ZC3H12B: variants seen among roughly 807,000 people sequenced by gnomAD.
The protein encoded by ZC3H12B is zinc finger CCCH-type containing 12B, also known as probable ribonuclease ZC3H12B.
A neutral mutation model predicts 43.9 loss-of-function variants in ZC3H12B; 7 were observed. That is an observed-to-expected ratio of 0.16 (90% confidence interval 0.09 to 0.30). The LOEUF is 0.30. ZC3H12B is among the 10% of genes least tolerant of loss of function. The pLI, the probability that ZC3H12B is intolerant of heterozygous loss-of-function variation, is 1.00. For missense variants in ZC3H12B, 475 were observed against 670.2 expected, an observed-to-expected ratio of 0.71 and a Z score of 3.22; for synonymous variants, 222 against 241.7, an observed-to-expected ratio of 0.92 and a Z score of 0.76.
At chrX:65,390,505 G>T (rs751002994) in intron 2 of ZC3H12B, among the ~76,000 whole-genome samples, 6 of 111,349 alleles carry the variant, frequency 5.4e-5, no homozygotes, top group Admixed American at 9.6e-5. Flanking sequence ...ACTATAAAGT[G>T]GTCAATTCAG....
chrX:65,316,282 T>A, the ZC3H12B span, among the ~76,000 whole-genome samples: 1 of 111,697 alleles, frequency 9.0e-6, no homozygotes, highest in Non-Finnish European at 1.9e-5. Flanking sequence ...ACTTTCCCAA[T>A]CTCACTAAAG....
the ZC3H12B span, among the ~76,000 whole-genome samples, chrX:65,048,564 C>T: frequency 9.0e-6 from 1 of 111,355 alleles, no homozygotes; most frequent in Non-Finnish European, 1.9e-5. Context: ...TTCAATAACA[C>T]TTGTTATTTC....
the ZC3H12B span, among the ~76,000 whole-genome samples, chrX:65,112,074 C>G: frequency 8.9e-6 from 1 of 112,261 alleles, no homozygotes; most frequent in Admixed American, 9.5e-5. Flanking sequence ...ATTAAAAGTG[C>G]TACTCCAGTA....
chrX:65,399,103 G>T (rs900188098), intron 3 of ZC3H12B, among the ~76,000 whole-genome samples: 1 of 112,386 alleles, frequency 8.9e-6, no homozygotes, highest in African/African-American at 3.2e-5. Context: ...AATTCATCAG[G>T]ACATTGGACT....
At chrX:65,431,020 C>T (rs1238360258) in intron 3 of ZC3H12B, among the ~76,000 whole-genome samples, 1 of 112,238 alleles carries the variant, frequency 8.9e-6, no homozygotes, top group Non-Finnish European at 1.9e-5. Flanking sequence ...TTGGCCAACT[C>T]CCCCCATTCC....
At chrX:65,082,618 TAAC>T in the ZC3H12B span, among the ~76,000 whole-genome samples, 1 of 110,886 alleles carries the variant, frequency 9.0e-6, no homozygotes, top group African/African-American at 3.3e-5. Flanking sequence ...GAAGCTGTAA[TAAC>T]AAGTCTACCA....
At chrX:65,432,537 A>T (rs748834951) in intron 3 of ZC3H12B, among the ~76,000 whole-genome samples, 1 of 111,756 alleles carries the variant, frequency 8.9e-6, no homozygotes, top group Non-Finnish European at 1.9e-5. Flanking sequence ...CAACCTGATG[A>T]TATTGGAGAA....
At chrX:65,249,562 C>A in the ZC3H12B span, among the ~76,000 whole-genome samples, 630 of 111,297 alleles carry the variant, frequency 5.7e-3, 4 homozygotes, top group African/African-American at 0.018. Context: ...GTTCCATATT[C>A]ATTTTATAAT....
At chrX:65,150,428 C>T in the ZC3H12B span, among the ~76,000 whole-genome samples, 5 of 110,003 alleles carry the variant, frequency 4.5e-5, no homozygotes, top group Admixed American at 2.0e-4. Context: ...AGGTTTGTTA[C>T]ATATTCGTGT....
the ZC3H12B span, among the ~76,000 whole-genome samples, chrX:65,197,763 C>T: frequency 8.9e-5 from 10 of 112,286 alleles, no homozygotes; most frequent in Non-Finnish European, 1.7e-4. Flanking sequence ...CTGGTGGAGA[C>T]CACACAATTC....
chrX:65,090,363 C>T, the ZC3H12B span, among the ~76,000 whole-genome samples: 2 of 111,671 alleles, frequency 1.8e-5, no homozygotes, highest in Admixed American at 9.5e-5. Flanking sequence ...ATAGCTAGGC[C>T]TCTTGTCTCA....
chrX:65,490,144 C>T (rs2068183916), intron 1 of ZC3H12B, among the ~76,000 whole-genome samples: 1 of 111,146 alleles, frequency 9.0e-6, no homozygotes, highest in African/African-American at 3.3e-5. Flanking sequence ...TACATTATCT[C>T]ATATGGTAAA....
At chrX:65,164,055 C>A in the ZC3H12B span, among the ~76,000 whole-genome samples, 1 of 111,930 alleles carries the variant, frequency 8.9e-6, no homozygotes, top group East Asian at 2.8e-4. Flanking sequence ...AAAATCAATA[C>A]ACTGAAAACC....
At chrX:65,498,362 G>C (rs1286314445) in intron 2 of ZC3H12B, among the ~76,000 whole-genome samples, 1 of 111,699 alleles carries the variant, frequency 9.0e-6, no homozygotes, top group African/African-American at 3.3e-5. Context: ...TAATGAGAAA[G>C]TCCCGTGAAT....
At chrX:65,479,657 C>T (rs900778936) in intron 3 of ZC3H12B, among the ~76,000 whole-genome samples, 1 of 111,776 alleles carries the variant, frequency 8.9e-6, no homozygotes, top group Non-Finnish European at 1.9e-5. Context: ...TGAGAGCCAC[C>T]GCACCTGGCT....
the ZC3H12B span, among the ~76,000 whole-genome samples, chrX:65,255,287 C>T: frequency 2.7e-5 from 3 of 111,505 alleles, no homozygotes; most frequent in African/African-American, 9.8e-5. Flanking sequence ...AAAGAAAAAA[C>T]GTTAAGTCAG....
intron 3 of ZC3H12B, among the ~76,000 whole-genome samples, chrX:65,448,644 C>T (rs1022788510): frequency 9.1e-6 from 1 of 110,177 alleles, no homozygotes; most frequent in African/African-American, 3.3e-5. Context: ...TGGTGAAACC[C>T]CATCTCTACT....
chrX:65,074,674 T>C, the ZC3H12B span, among the ~76,000 whole-genome samples: 1 of 112,158 alleles, frequency 8.9e-6, no homozygotes, highest in African/African-American at 3.2e-5. Context: ...TGTTTTTGTT[T>C]CTCTGACTAA....
At chrX:65,361,727 C>T (rs766419271), upstream of ZC3H12B, among the ~76,000 whole-genome samples, 6 of 110,497 alleles carry the variant, frequency 5.4e-5, no homozygotes, top group Middle Eastern at 9.3e-3. Flanking sequence ...ATTTTATTAC[C>T]CAGCCCACTC....
Sources: allele counts gnomAD v4.1 joint callset (sites outside exome capture counted in the v4.1 genomes callset), GRCh38; gene constraint gnomAD v4.1.1; transcripts MANE v1.5; gene names NCBI Gene and HGNC (gene_info 2026-07-23, HGNC 2026-07-21).